KCNN4: variants seen among roughly 807,000 people sequenced by gnomAD.
KCNN4 encodes intermediate conductance calcium-activated potassium channel protein 4.
KCNN4 carries 31 observed loss-of-function variants against 45.2 expected under a neutral mutation model. The observed-to-expected ratio is 0.69, with a 90% CI of 0.52 to 0.92. The LOEUF (loss-of-function observed/expected upper bound fraction) is 0.92. Among genes scored for constraint, KCNN4 ranks in the 40% least tolerant of loss-of-function variants. The pLI is 0.00. For missense variants in KCNN4, 463 were observed against 574.0 expected (o/e 0.81, Z 1.98); for synonymous variants, 231 against 254.6 (o/e 0.91, Z 0.88).
At chr19:43,776,684 C>T in intron 1 of KCNN4, 48 bp from the exon 2 acceptor site, 1 of 1,258,772 alleles carries the variant, frequency 7.9e-7, no homozygotes, top group Non-Finnish European at 1.2e-6. Flanking sequence ...GGTCTCCCTC[C>T]GCCTGGCCCT....
chr19:43,771,014 T>C (rs887364341), intron 4 of KCNN4, among the ~76,000 whole-genome samples: 5 of 152,152 alleles, frequency 3.3e-5, no homozygotes, highest in African/African-American at 1.2e-4. Context: ...GGGATGAATA[T>C]GTCCTTCCTA....
intron 1 of KCNN4, among the ~76,000 whole-genome samples, 166 bp downstream of exon 1, chr19:43,780,537 T>C (rs12608901): frequency 0.053 from 1,187 of 22,394 alleles, 1 homozygote; most frequent in African/African-American, 0.17. Context: ...AAGTCCCCAG[T>C]CCCTCCTCCC....
intron 2 of KCNN4, among the ~76,000 whole-genome samples, chr19:43,776,123 G>T (rs1969794414): frequency 1.2e-5 from 1 of 82,058 alleles, no homozygotes. Flanking sequence ...GCAAGACCTT[G>T]TCTCAAAAAA....
In KCNN4 at chr19:43,778,534, C is replaced by T. The variant is rs1386602668; in HGVS notation, c.160-1898G>A. On this transcript the variant is annotated intron_variant, in intron 1 of 8. Coordinates refer to ENST00000648319, the MANE Select transcript of KCNN4 (RefSeq NM_002250.3). ...GATTACAGGCGTGAGCCACCGCGCC[C>T]GGCCCTCTATTGTCTTTTCTAACGC... 5.3e-5 allele frequency among the ~76,000 whole-genome samples: 8 copies of T among 152,132 alleles called. No individual in the cohort carries two copies. The South Asian group carries it at 1.2e-3, about 24-fold the overall frequency.
chr19:43,767,835 CTG>C, intron 7 of KCNN4, 128 bp from the exon 8 acceptor site: 1 of 1,191,948 alleles, frequency 8.4e-7, no homozygotes, highest in Non-Finnish European at 1.2e-6. Context: ...TCGACAATAA[CTG>C]TTACCATGTA....
Position 43,774,025 on chromosome 19 carries a change from T to C in KCNN4, c.683+167A>G, listed in dbSNP as rs185107299. 1.1e-4 allele frequency among the ~76,000 whole-genome samples: 16 copies of C among 152,226 alleles called. No individual in the cohort carries two copies. In the East Asian group the frequency reaches 3.1e-3, roughly 29 times the overall value. On this transcript the variant is annotated intron_variant, in intron 3 of 8. Coordinates refer to ENST00000648319, the MANE Select transcript of KCNN4 (RefSeq NM_002250.3). The surrounding 1 kb of genome is among the most constrained non-coding windows in gnomAD (Gnocchi z 5.6). ...TGTCTGTTGGTTCCTCTCACCCCAG[T>C]TGATGGGAGTGTGGGCAAATTTCAG... is the stretch of plus-strand genomic sequence containing the variant.
At chr19:43,777,659 G>A (rs900393895) in intron 1 of KCNN4, among the ~76,000 whole-genome samples, 6 of 148,594 alleles carry the variant, frequency 4.0e-5, no homozygotes, top group African/African-American at 1.2e-4. Context: ...CAGAAACCAC[G>A]GAGAAATTGT....
intron 1 of KCNN4, 144 bp from the exon 2 acceptor site, chr19:43,776,780 G>A (rs1410834470): frequency 3.1e-6 from 2 of 640,530 alleles, no homozygotes; most frequent in Non-Finnish European, 5.7e-6. Context: ...CCCTCTTGAT[G>A]TGTCGGTTCT....
rs2146476585 is a variant in KCNN4 at position 43,780,758 on chromosome 19, G to T, written c.104C>A (p.Thr35Asn). ...ATGCAGCACCATGAGTCCAATGCCA[G>T]TTCCTGCCAGCACCAGTGCCCAGCC... ...LAGWALVLAG[T>N]GIGLMVLHAE... The change falls in exon 1 of 9, where the codon ACT (threonine) becomes AAT (asparagine). Residue 35 changes from threonine to asparagine, a missense_variant. Transcript: ENST00000648319. 1 of 1,613,822 alleles carries T rather than the reference G, an allele frequency of 6.2e-7. No individual in the cohort carries two copies. Among genetic ancestry groups the T allele is most frequent in the South Asian group, 1.1e-5 (1 of 91,060 alleles).
At position 43,769,842 on chromosome 19, in the gene KCNN4, C is replaced by A. The variant is rs1408260075; in HGVS notation, c.820-13G>T. ...TGCAGCAGACACCCTGTGGGCACAG[C>A]AGGCACCGTGGCATGAGGCTGTGCC... On this transcript the variant is annotated splice_polypyrimidine_tract_variant and intron_variant, in intron 4 of 8. Coordinates refer to ENST00000648319, the MANE Select transcript of KCNN4 (RefSeq NM_002250.3). The surrounding 1 kb of genome is among the most constrained non-coding windows in gnomAD (Gnocchi z 4.4). The A allele has an allele frequency of 6.3e-7, 1 of 1,596,254 alleles. No individual in the cohort carries two copies. Among genetic ancestry groups the A allele is most frequent in the East Asian group, 2.2e-5 (1 of 44,780 alleles).
rs1248676788 is a variant in KCNN4 at position 43,774,802 on chromosome 19, C to CT, written c.256-184dup. Among the ~76,000 whole-genome samples the CT allele has an allele frequency of 2.6e-5, 4 of 152,146 alleles. No individual in the cohort carries two copies. The highest frequency in any genetic ancestry group is 9.7e-5 in the African/African-American group (4 of 41,440). The stretch of plus-strand genomic sequence containing the variant: ...AGGACTTGAGGAAGACATCTTTCCA[C>CT]TTTTTCCTCCTTCCCCACCACCCAC... On this transcript the variant is annotated intron_variant, in intron 2 of 8. Coordinates refer to ENST00000648319, the MANE Select transcript of KCNN4 (RefSeq NM_002250.3). The surrounding 1 kb of genome is among the most constrained non-coding windows in gnomAD (Gnocchi z 5.6).
chr19:43,770,595 C>T (rs888874191), intron 4 of KCNN4, among the ~76,000 whole-genome samples: 1 of 152,212 alleles, frequency 6.6e-6, no homozygotes, highest in East Asian at 1.9e-4. Context: ...ACGCTGGCTC[C>T]AGGGGACTGC....
chr19:43,777,875 C>G (rs767652432), intron 1 of KCNN4, among the ~76,000 whole-genome samples: 14 of 152,180 alleles, frequency 9.2e-5, no homozygotes, highest in Non-Finnish European at 1.5e-4. Context: ...TGCCAGCTCC[C>G]CTGGCTGGGC....
In KCNN4 at chr19:43,774,370, G is replaced by T; in HGVS notation, c.505C>A (p.Leu169Met). Residue 169 changes from leucine (L) to methionine (M), a missense_variant, in exon 3 of 9, where the codon CTG (leucine) becomes ATG (methionine). Coordinates refer to ENST00000648319, the MANE Select transcript of KCNN4 (RefSeq NM_002250.3). The surrounding 1 kb of genome is among the most constrained non-coding windows in gnomAD (Gnocchi z 5.6). ...GCGTTGAGCAGGACGCCGCTGCGCA[G>T]GAGCACGGCGCGGGGCACCAGGTAG... The part of the protein sequence containing the change: ...RLYLVPRAVL[L>M]RSGVLLNASY... 6.2e-7 allele frequency: 1 copy of T among 1,606,050 alleles called. No individual in the cohort carries two copies.
In KCNN4 at chr19:43,777,320, T is replaced by TGTGTGTGTGG. The variant is rs1247716395; in HGVS notation, c.160-685_160-684insCCACACACAC. On this transcript the variant is annotated intron_variant, in intron 1 of 8. Transcript: ENST00000648319. ...TCAGGTGTGTGTGTGTGTGTGTGTGTGTGTGGGTGTGTGTGTGTGGTGTCT... is the reference window on the plus strand; with the variant it reads ...TCAGGTGTGTGTGTGTGTGTGTGTGTGTGTGTGTGGGTGTGGGTGTGTGTGTGTGGTGTCT... Among the ~76,000 whole-genome samples, 57 of 149,284 alleles carry TGTGTGTGTGG rather than the reference T, an allele frequency of 3.8e-4. 1 individual carries two copies. The highest frequency in any genetic ancestry group is 1.4e-3 in the African/African-American group (56 of 40,360).
At chr19:43,780,382 AC>A (rs1413533801) in intron 1 of KCNN4, among the ~76,000 whole-genome samples, 18 of 106,062 alleles carry the variant, frequency 1.7e-4, no homozygotes, top group African/African-American at 7.0e-4. Context: ...AGGAGTCCTG[AC>A]CCCCAGCCCC....
Position 43,774,959 on chromosome 19 carries a change from C to T in KCNN4, c.256-340G>A, listed in dbSNP as rs1969757873. ...CCCTGCCTCCCTAGAGCTTGCATTC[C>T]ACATGCCTGGAGCTCGCTCCTACTC... On this transcript the variant is annotated intron_variant, in intron 2 of 8. Transcript: ENST00000648319. This position sits in a 1 kb window ranked among gnomAD's most constrained non-coding sequence, Gnocchi z 5.6. 6.6e-6 allele frequency among the ~76,000 whole-genome samples: 1 copy of T among 152,208 alleles called. No homozygotes were observed. Among genetic ancestry groups the T allele is most frequent in the Non-Finnish European group, 1.5e-5 (1 of 68,038 alleles).
At chr19:43,770,382 C>T (rs1969611507) in intron 4 of KCNN4, among the ~76,000 whole-genome samples, 2 of 152,130 alleles carry the variant, frequency 1.3e-5, no homozygotes, top group African/African-American at 4.8e-5. Flanking sequence ...TCCATGCTGC[C>T]TGCCCTCCCT....
intron 4 of KCNN4, among the ~76,000 whole-genome samples, chr19:43,770,692 A>G (rs1969619261): frequency 6.6e-6 from 1 of 152,160 alleles, no homozygotes; most frequent in Admixed American, 6.5e-5. Context: ...CAGGGTTACT[A>G]GGTGGATTTC....
Sources: gnomAD v4.1 joint callset for allele counts (sites outside exome capture counted in the v4.1 genomes callset) on GRCh38, gnomAD v4.1.1 for gene constraint, Gnocchi (gnomAD v3.1) non-coding constraint, MANE v1.5 for transcripts, NCBI Gene and HGNC (gene_info 2026-07-23, HGNC 2026-07-21) for gene names.